Variants in TG observed in about 807,000 individuals in gnomAD.
The protein encoded by TG is thyroid hormones.
A neutral mutation model predicts 324.7 loss-of-function variants in TG; 270 were observed. That is an observed-to-expected ratio of 0.83 (90% CI 0.75 to 0.92). The LOEUF (loss-of-function observed/expected upper bound fraction) is 0.92. Among genes scored for constraint, TG ranks in the 40% least tolerant of loss-of-function variants. The probability of loss-of-function intolerance (pLI) is 0.00; values close to 1 mark genes in which losing one functional copy is unlikely to be tolerated. For synonymous variants in TG, 1,401 were observed against 1,327.0 expected, an observed-to-expected ratio of 1.06 and a Z score of -1.21; for missense variants, 3,591 against 3,456.4, an observed-to-expected ratio of 1.04 and a Z score of -0.98.
chr8:133,080,541 T>C (rs1392479305), intron 41 of TG, among the ~76,000 whole-genome samples: 2 of 152,092 alleles, frequency 1.3e-5, no homozygotes, highest in Non-Finnish European at 2.9e-5. Context: ...CAAATAAGAC[T>C]CAGGCCCTGC....
At chr8:133,122,450 GAGTAGC>G (rs1298625495) in intron 45 of TG, among the ~76,000 whole-genome samples, 3 of 152,218 alleles carry the variant, frequency 2.0e-5, no homozygotes, top group African/African-American at 7.2e-5. Flanking sequence ...CTGAGCCAGT[GAGTAGC>G]AGTCTGGAGC....
At chr8:132,915,764 C>T (rs1021421763) in intron 20 of TG, among the ~76,000 whole-genome samples, 1 of 152,206 alleles carries the variant, frequency 6.6e-6, no homozygotes, top group African/African-American at 2.4e-5. Flanking sequence ...GAATTTGGCT[C>T]ATGGACTGTG....
chr8:132,873,015 A>T (rs1271700841), intron 4 of TG, 47 bp from the exon 5 acceptor site: 1 of 1,606,222 alleles, frequency 6.2e-7, no homozygotes, highest in Non-Finnish European at 8.5e-7. Flanking sequence ...CTGCAGAAAT[A>T]TGTGTCTACT....
At chr8:132,915,728 T>G (rs185598248) in intron 20 of TG, among the ~76,000 whole-genome samples, 1 of 152,312 alleles carries the variant, frequency 6.6e-6, no homozygotes, top group Admixed American at 6.5e-5. Flanking sequence ...TAATAAAACT[T>G]TATTTACCAC....
rs1422471807 is a variant in TG at position 132,911,543 on chromosome 8, T to C, written c.4159+10T>C. ...GACTTACATGACATTGGTATGTTTT[T>C]CTGTGGTAGTACCTAGAATAAGCTA... is the stretch of plus-strand genomic sequence containing the variant. On this transcript the variant is annotated intron_variant, in intron 19 of 47. Transcript: ENST00000220616. The C allele has an allele frequency of 6.2e-7, 1 of 1,606,430 alleles. No individual in the cohort carries two copies. The highest frequency in any genetic ancestry group is 2.2e-5 in the East Asian group (1 of 44,848).
At chr8:133,043,636 G>T (rs187017875) in intron 41 of TG, among the ~76,000 whole-genome samples, 21 of 152,260 alleles carry the variant, frequency 1.4e-4, no homozygotes, top group African/African-American at 4.8e-4. Flanking sequence ...CTTGCCCAAG[G>T]CCTCACAAGG....
At chr8:132,945,855 T>C (rs981489254) in intron 26 of TG, among the ~76,000 whole-genome samples, 4 of 152,170 alleles carry the variant, frequency 2.6e-5, no homozygotes, top group Admixed American at 2.0e-4. Flanking sequence ...AACAAGGTGA[T>C]TCCTGAAAAA....
intron 35 of TG, among the ~76,000 whole-genome samples, chr8:132,997,153 A>C (rs902158597): frequency 6.6e-6 from 1 of 152,248 alleles, no homozygotes; most frequent in Non-Finnish European, 1.5e-5. Flanking sequence ...ATGAACATTC[A>C]GTCCACTTGA....
chr8:133,039,235 A>G (rs980862001), intron 41 of TG, among the ~76,000 whole-genome samples: 3 of 152,176 alleles, frequency 2.0e-5, no homozygotes, highest in Admixed American at 6.5e-5. Context: ...TCTAACTGCA[A>G]TTATTCTAAC....
intron 21 of TG, among the ~76,000 whole-genome samples, chr8:132,922,441 A>G (rs1195429748): frequency 6.6e-6 from 1 of 152,138 alleles, no homozygotes; most frequent in African/African-American, 2.4e-5. Flanking sequence ...ACGTCTATCG[A>G]GTGGGAGGCA....
chr8:132,983,823 A>G, intron 35 of TG: 1 of 331,030 alleles, frequency 3.0e-6, no homozygotes, highest in Non-Finnish European at 5.8e-6. Context: ...GTTGGAGCTT[A>G]CAGTTATCGG....
In TG at chr8:132,868,137, C is replaced by T. The variant is rs779013905; in HGVS notation, c.90C>T (p.Pro30=). 8.1e-6 allele frequency: 13 copies of T among 1,614,140 alleles called. No homozygotes were observed. In the East Asian group the frequency reaches 1.3e-4, roughly 17 times the overall value. Residue 30 remains proline (P), a synonymous_variant, in exon 2 of 48, where the codon CCC becomes CCT. Coordinates refer to ENST00000220616, the MANE Select transcript of TG (RefSeq NM_003235.5). The part of the protein sequence containing the change: ...NIFEYQVDAQ[P]LRPCELQRET... Reference sequence around the variant, plus strand: ...TAGAGTACCAGGTGGATGCCCAGCCCCTTCGTCCCTGTGAGCTGCAGAGGG... The same window carrying T: ...TAGAGTACCAGGTGGATGCCCAGCCTCTTCGTCCCTGTGAGCTGCAGAGGG...
At chr8:133,099,761 C>G (rs533205257) in intron 43 of TG, among the ~76,000 whole-genome samples, 1 of 152,284 alleles carries the variant, frequency 6.6e-6, no homozygotes, top group Non-Finnish European at 1.5e-5. Context: ...CATACCCTAC[C>G]AGCATTCTAT....
intron 2 of TG, among the ~76,000 whole-genome samples, chr8:132,868,928 C>T (rs568322974): frequency 4.7e-4 from 72 of 152,134 alleles, no homozygotes; most frequent in Non-Finnish European, 9.1e-4. Flanking sequence ...TATATAACTG[C>T]GTTCTGGGAA....
chr8:133,010,047 A>C (rs371473406), intron 35 of TG, among the ~76,000 whole-genome samples: 28 of 152,350 alleles, frequency 1.8e-4, no homozygotes, highest in African/African-American at 6.7e-4. Flanking sequence ...AGCTAAGAAC[A>C]GGGTGTTATC....
chr8:133,020,218 A>C (rs1391344359), intron 39 of TG, among the ~76,000 whole-genome samples: 1 of 152,168 alleles, frequency 6.6e-6, no homozygotes, highest in Non-Finnish European at 1.5e-5. Context: ...TTCTTAGGGC[A>C]TTTCCCAGTA....
At chr8:133,061,162 G>C (rs759180205) in intron 41 of TG, among the ~76,000 whole-genome samples, 15 of 152,104 alleles carry the variant, frequency 9.9e-5, no homozygotes, top group Non-Finnish European at 2.1e-4. Flanking sequence ...AGGCACACAT[G>C]CCACACCCAG....
At chr8:132,946,554 A>G (rs1335484489) in intron 26 of TG, among the ~76,000 whole-genome samples, 1 of 152,122 alleles carries the variant, frequency 6.6e-6, no homozygotes, top group African/African-American at 2.4e-5. Context: ...ATCCTTTACC[A>G]CAGTCTGGAA....
chr8:133,015,691 G>A (rs144397286), intron 37 of TG, among the ~76,000 whole-genome samples: 1 of 152,182 alleles, frequency 6.6e-6, no homozygotes, highest in Admixed American at 6.5e-5. Flanking sequence ...AGCAGAATGA[G>A]GTTCCAGCAC....
Sources: gnomAD v4.1 joint callset for allele counts (sites outside exome capture counted in the v4.1 genomes callset) on GRCh38, gnomAD v4.1.1 for gene constraint, MANE v1.5 for transcripts, NCBI Gene and HGNC (gene_info 2026-07-23, HGNC 2026-07-21) for gene names.